The following MYO10 variants were observed in gnomAD, a reference collection of about 807,000 sequenced individuals.
MYO10 encodes myosin X.
MYO10 carries 133 observed loss-of-function variants against 257.3 expected under a neutral mutation model. That is an observed-to-expected ratio of 0.52 (90% confidence interval 0.45 to 0.60). The LOEUF is 0.60. Among genes scored for constraint, MYO10 ranks in the 20% least tolerant of loss-of-function variants. The pLI, the probability that MYO10 is intolerant of heterozygous loss-of-function variation, is 0.00. For synonymous variants in MYO10, 1,104 were observed against 1,028.6 expected (o/e 1.07, Z -1.40); for missense variants, 2,399 against 2,635.7 (o/e 0.91, Z 1.97).
chr5:16,855,848 G>T (rs1216832718), intron 2 of MYO10, among the ~76,000 whole-genome samples: 1 of 152,196 alleles, frequency 6.6e-6, no homozygotes, highest in Non-Finnish European at 1.5e-5. Flanking sequence ...TAGAACAGCA[G>T]ATCATTCCAG....
At chr5:16,710,554 G>A in intron 21 of MYO10, 1 of 221,342 alleles carries the variant, frequency 4.5e-6, no homozygotes. Context: ...AAGTTAGAAG[G>A]GTCTTGGGGT....
intron 1 of MYO10, among the ~76,000 whole-genome samples, chr5:16,910,721 C>T (rs916924004): frequency 2.6e-5 from 4 of 152,160 alleles, no homozygotes; most frequent in African/African-American, 9.7e-5. Flanking sequence ...ACCCATATTA[C>T]AAAAGGGAGC....
chr5:16,773,661 C>A (rs1411958066), intron 9 of MYO10, among the ~76,000 whole-genome samples: 1,693 of 112,288 alleles, frequency 0.015, no homozygotes, highest in Middle Eastern at 0.02. Flanking sequence ...GACCTTGTCT[C>A]AAAAAAAAAA....
Position 16,769,068 on chromosome 5 carries a change from T to C in MYO10, c.1060+6A>G, listed in dbSNP as rs529828891. ...GAGCGAGGAGGGCAGGCAGGCATAA[T>C]CTTACCTGTTTTGAAGGAAACCTGT... On this transcript the variant is annotated splice_donor_region_variant and intron_variant, in intron 10 of 40. Transcript: ENST00000513610. The C allele has an allele frequency of 5.6e-6, 9 of 1,607,158 alleles. No individual in the cohort carries two copies. The South Asian group carries it at 6.7e-5, about 12-fold the overall frequency.
intron 19 of MYO10, among the ~76,000 whole-genome samples, chr5:16,722,565 G>C (rs986151225): frequency 1.3e-5 from 2 of 152,178 alleles, no homozygotes; most frequent in African/African-American, 2.4e-5. Context: ...TGATTTTTGA[G>C]CAATGTGCAA....
At chr5:16,812,322 C>T (rs1443720345) in intron 3 of MYO10, among the ~76,000 whole-genome samples, 1 of 152,186 alleles carries the variant, frequency 6.6e-6, no homozygotes, top group Non-Finnish European at 1.5e-5. Flanking sequence ...CGCAGAGGGG[C>T]TCTAACCCAG....
intron 33 of MYO10, 53 bp downstream of exon 33, chr5:16,679,894 G>A (rs1736907344): frequency 6.3e-7 from 1 of 1,583,870 alleles, no homozygotes; most frequent in Non-Finnish European, 8.6e-7. Context: ...GTGCTCTAAG[G>A]GTAGAATCTC....
Position 16,701,455 on chromosome 5 carries a change from G to C in MYO10, c.2940C>G (p.Pro980=). 6.2e-7 allele frequency: 1 copy of C among 1,613,962 alleles called. No individual in the cohort carries two copies. Among genetic ancestry groups the C allele is most frequent in the South Asian group, 1.1e-5 (1 of 91,086 alleles). ...GGTAGGGCTGGCTGAAGTTGAAGTTGGGCTTCTCCTCGCATGCGCTCTCAG... is the reference window on the plus strand; with the variant it reads ...GGTAGGGCTGGCTGAAGTTGAAGTTCGGCTTCTCCTCGCATGCGCTCTCAG... The part of the protein sequence containing the change: ...ELAESACEEK[P]NFNFSQPYPE... Residue 980 remains proline, a synonymous_variant, in exon 25 of 41, where the codon CCC becomes CCG. Coordinates refer to ENST00000513610, the MANE Select transcript of MYO10 (RefSeq NM_012334.3). The surrounding 1 kb of genome is among the most constrained non-coding windows in gnomAD (Gnocchi z 8.1).
chr5:16,818,406 GTGTGTA>G (rs559268465), intron 2 of MYO10, among the ~76,000 whole-genome samples: 45,205 of 121,876 alleles, frequency 0.37, 7,563 homozygotes, highest in Non-Finnish European at 0.43. Context: ...GTGTGTGTGT[GTGTGTA>G]TATATATATA....
At chr5:16,896,871 A>G (rs867070337) in intron 1 of MYO10, among the ~76,000 whole-genome samples, 159 of 152,190 alleles carry the variant, frequency 1.0e-3, no homozygotes, top group African/African-American at 3.5e-3. Flanking sequence ...GGATTCATCA[A>G]TTCGGTGATT....
intron 4 of MYO10, among the ~76,000 whole-genome samples, chr5:16,784,735 A>G (rs1159034205): frequency 1.3e-5 from 2 of 152,246 alleles, no homozygotes; most frequent in Non-Finnish European, 2.9e-5. Context: ...AGTCCTGTGG[A>G]GTACCAAGAG....
rs70940395 is a variant in MYO10, at chr5:16,663,328, G to GTTTTTTTTTTTTTTTTTTTTTTTTTTTT, written c.*3336_*3363dup. 1 of 76,888 alleles carries GTTTTTTTTTTTTTTTTTTTTTTTTTTTT rather than the reference G, an allele frequency of 1.3e-5. No homozygotes were observed. Among genetic ancestry groups the GTTTTTTTTTTTTTTTTTTTTTTTTTTTT allele is most frequent in the Non-Finnish European group, 2.3e-5 (1 of 43,478 alleles). The allele number at this position is 76,888 out of a possible 1,614,324, so 4.8% of individuals were successfully genotyped here. On this transcript the variant is annotated 3_prime_UTR_variant, in exon 41 of 41. Coordinates refer to ENST00000513610, the MANE Select transcript of MYO10 (RefSeq NM_012334.3). Reference sequence around the variant, plus strand: ...AAAAAGTAACATTTTACTTCTAGTTGTTTTTTTTTTTTTTTTTTTTTTTTT... The same window carrying GTTTTTTTTTTTTTTTTTTTTTTTTTTTT: ...AAAAAGTAACATTTTACTTCTAGTTGTTTTTTTTTTTTTTTTTTTTTTTTTTTTTTTTTTTTTTTTTTTTTTTTTTTTT...
chr5:16,881,376 G>C (rs919434736), intron 1 of MYO10, among the ~76,000 whole-genome samples: 1 of 152,114 alleles, frequency 6.6e-6, no homozygotes, highest in African/African-American at 2.4e-5. Context: ...CCTTTCGTTT[G>C]AAAGTACTAC....
intron 3 of MYO10, among the ~76,000 whole-genome samples, chr5:16,811,678 T>G (rs1742444858): frequency 6.6e-6 from 1 of 152,052 alleles, no homozygotes. Flanking sequence ...GCTTCCTGAG[T>G]AGAAGGGACT....
chr5:16,764,027 A>C (rs2126652063), intron 12 of MYO10, among the ~76,000 whole-genome samples: 1 of 152,154 alleles, frequency 6.6e-6, no homozygotes, highest in African/African-American at 2.4e-5. Flanking sequence ...AGGCACCTGT[A>C]ATCTCAGCTT....
chr5:16,916,204 C>A, intron 1 of MYO10: 1 of 450,168 alleles, frequency 2.2e-6, no homozygotes, highest in Non-Finnish European at 4.5e-6. Flanking sequence ...AGCTAATGCT[C>A]AGCAAATTAT....
intron 19 of MYO10, among the ~76,000 whole-genome samples, chr5:16,739,871 A>G (rs1407235040): frequency 1.3e-5 from 2 of 152,236 alleles, no homozygotes; most frequent in East Asian, 3.9e-4. Context: ...ATAATCAGTA[A>G]GAATCGTCTT....
Position 16,769,116 on chromosome 5 carries a change from C to T in MYO10, c.1018G>A (p.Glu340Lys). Residue 340 changes from glutamate to lysine, a missense_variant, in exon 10 of 41, where the codon GAA becomes AAA. Coordinates refer to ENST00000513610, the MANE Select transcript of MYO10 (RefSeq NM_012334.3). Reference sequence around the variant, plus strand: ...TGTGCCCCACCAGCAGTGATAAATTCTATGTTCCCAAGATGCAGTATACCA... The same window carrying T: ...TGTGCCCCACCAGCAGTGATAAATTTTATGTTCCCAAGATGCAGTATACCA... ...LAGILHLGNI[E>K]FITAGGAQVS... 6.2e-7 allele frequency: 1 copy of T among 1,612,130 alleles called. No individual in the cohort carries two copies.
intron 3 of MYO10, among the ~76,000 whole-genome samples, chr5:16,802,661 AAAAAAAAAAAAAG>A: frequency 6.6e-6 from 1 of 150,752 alleles, no homozygotes; most frequent in African/African-American, 2.4e-5. Flanking sequence ...TCTCTAAAAA[AAAAAAAAAAAAAG>A]AAAGAAAGAA....
Sources: allele counts gnomAD v4.1 joint callset (sites outside exome capture counted in the v4.1 genomes callset), GRCh38; gene constraint gnomAD v4.1.1; non-coding constraint Gnocchi (gnomAD v3.1); transcripts MANE v1.5; gene names NCBI Gene and HGNC (gene_info 2026-07-23, HGNC 2026-07-21).